The following FAM110B variants were observed in gnomAD, a reference collection of about 807,000 sequenced individuals.
FAM110B encodes protein FAM110B.
In FAM110B, 6 loss-of-function variants were observed where a neutral mutation model predicts 20.4. The observed-to-expected ratio is 0.29, with a 90% CI of 0.16 to 0.58. The LOEUF (loss-of-function observed/expected upper bound fraction) is 0.58, where lower values mean the gene tolerates loss of function less well. FAM110B is among the 20% of genes least tolerant of loss of function. The pLI is 0.90. For missense variants in FAM110B, 434 were observed against 498.2 expected, an observed-to-expected ratio of 0.87 and a Z score of 1.23; for synonymous variants, 226 against 214.1, an observed-to-expected ratio of 1.06 and a Z score of -0.49.
At chr8:58,063,957 A>G (rs1258377644) in intron 2 of FAM110B, among the ~76,000 whole-genome samples, 1 of 152,226 alleles carries the variant, frequency 6.6e-6, no homozygotes, top group Non-Finnish European at 1.5e-5. Context: ...CGGGCTGTAC[A>G]GGAAGGATGG....
intron 2 of FAM110B, among the ~76,000 whole-genome samples, chr8:58,037,665 G>A (rs1369205687): frequency 6.6e-6 from 1 of 151,976 alleles, no homozygotes; most frequent in Non-Finnish European, 1.5e-5. Flanking sequence ...TCCGATTTAG[G>A]TTGCATACAT....
intron 1 of FAM110B, among the ~76,000 whole-genome samples, chr8:58,020,813 T>C (rs1214972116): frequency 6.6e-6 from 1 of 152,208 alleles, no homozygotes; most frequent in Non-Finnish European, 1.5e-5. Context: ...ATCCAATCTG[T>C]CCCACCAGTG....
At chr8:58,059,455 G>A (rs1805614032) in intron 2 of FAM110B, among the ~76,000 whole-genome samples, 1 of 151,986 alleles carries the variant, frequency 6.6e-6, no homozygotes, top group African/African-American at 2.4e-5. Context: ...TATTTGGATG[G>A]CTATGGAATT....
chr8:58,013,650 C>A (rs1804583196), intron 1 of FAM110B, among the ~76,000 whole-genome samples: 1 of 152,178 alleles, frequency 6.6e-6, no homozygotes, highest in Non-Finnish European at 1.5e-5. Context: ...GCACAGTCAT[C>A]TTTTGGTCCT....
intron 2 of FAM110B, among the ~76,000 whole-genome samples, chr8:58,050,164 G>T (rs1805410929): frequency 6.6e-6 from 1 of 151,822 alleles, no homozygotes; most frequent in Non-Finnish European, 1.5e-5. Context: ...AGATGTCATG[G>T]TCTTGTGAGG....
intron 2 of FAM110B, among the ~76,000 whole-genome samples, chr8:58,047,167 AT>A (rs1215622130): frequency 6.6e-6 from 1 of 152,222 alleles, no homozygotes; most frequent in Non-Finnish European, 1.5e-5. Context: ...CTGCTTTCCT[AT>A]GAAAACAGTG....
chr8:58,143,174 C>G (rs1216458818), intron 3 of FAM110B, among the ~76,000 whole-genome samples: 1 of 152,254 alleles, frequency 6.6e-6, no homozygotes, highest in African/African-American at 2.4e-5. Flanking sequence ...ACCTAAGTCA[C>G]CTGCTTATTT....
chr8:58,015,900 GT>G (rs1474712144), intron 1 of FAM110B, among the ~76,000 whole-genome samples: 1 of 151,206 alleles, frequency 6.6e-6, no homozygotes, highest in Non-Finnish European at 1.5e-5. Context: ...GTGAAATCCA[GT>G]TAAATGAGTA....
At chr8:58,009,656 G>T (rs957155765) in intron 1 of FAM110B, among the ~76,000 whole-genome samples, 1 of 152,074 alleles carries the variant, frequency 6.6e-6, no homozygotes, top group Non-Finnish European at 1.5e-5. Flanking sequence ...TAACATATAT[G>T]GTTCACATTT....
chr8:58,111,190 C>T (rs549005360), intron 3 of FAM110B, among the ~76,000 whole-genome samples: 1 of 152,302 alleles, frequency 6.6e-6, no homozygotes, highest in East Asian at 1.9e-4. Flanking sequence ...CTTCCAAATA[C>T]ACACATTTAT....
At chr8:58,000,936 G>C (rs1266195984) in intron 1 of FAM110B, among the ~76,000 whole-genome samples, 1 of 152,106 alleles carries the variant, frequency 6.6e-6, no homozygotes, top group Non-Finnish European at 1.5e-5. Flanking sequence ...TTTTATTCTT[G>C]TTTAGTGACA....
intron 1 of FAM110B, among the ~76,000 whole-genome samples, chr8:58,002,785 G>A (rs1744319689): frequency 6.6e-6 from 1 of 152,220 alleles, no homozygotes; most frequent in African/African-American, 2.4e-5. Flanking sequence ...AAAAAATGCT[G>A]ATGATCATCT....
At chr8:58,079,704 C>G (rs1468173454) in intron 3 of FAM110B, among the ~76,000 whole-genome samples, 1 of 151,908 alleles carries the variant, frequency 6.6e-6, no homozygotes, top group Non-Finnish European at 1.5e-5. Context: ...TTGCTTCATC[C>G]CAGGAGTTTG....
In FAM110B at chr8:58,127,822, G is replaced by A. The variant is rs185266685; in HGVS notation, c.-324-18085G>A. Among the ~76,000 whole-genome samples, 7 of 152,292 alleles carry A rather than the reference G, an allele frequency of 4.6e-5. No homozygotes were observed. The East Asian group carries it at 9.6e-4, about 21-fold the overall frequency. ...AATCAAAAGTCTAAATAAATGGAGA[G>A]GAAGATCCCTATTTATGGACAGGAA... is the stretch of plus-strand genomic sequence containing the variant. On this transcript the variant is annotated intron_variant, in intron 3 of 3. Transcript: ENST00000519262.
At chr8:58,042,925 G>T (rs1048494470) in intron 2 of FAM110B, among the ~76,000 whole-genome samples, 1 of 152,322 alleles carries the variant, frequency 6.6e-6, no homozygotes, top group Non-Finnish European at 1.5e-5. Flanking sequence ...GAAACTTTGC[G>T]TGGTGCTTTC....
chr8:58,011,713 A>G (rs982509752), intron 1 of FAM110B, among the ~76,000 whole-genome samples: 1 of 152,160 alleles, frequency 6.6e-6, no homozygotes, highest in Non-Finnish European at 1.5e-5. Flanking sequence ...CAGCAAACCA[A>G]TATTGCCAGT....
At chr8:58,127,524 A>G (rs574275889) in intron 3 of FAM110B, among the ~76,000 whole-genome samples, 1 of 152,228 alleles carries the variant, frequency 6.6e-6, no homozygotes, top group African/African-American at 2.4e-5. Context: ...ATCTTGTCTT[A>G]TATGATTGTC....
chr8:58,141,276 G>T (rs1224664469), intron 3 of FAM110B, among the ~76,000 whole-genome samples: 1 of 152,182 alleles, frequency 6.6e-6, no homozygotes, highest in East Asian at 1.9e-4. Context: ...TTGTTATCTG[G>T]CATGTTAGGA....
intron 3 of FAM110B, among the ~76,000 whole-genome samples, chr8:58,126,429 G>T (rs1038598306): frequency 6.6e-6 from 1 of 152,120 alleles, no homozygotes; most frequent in Non-Finnish European, 1.5e-5. Context: ...GCACTTGCTG[G>T]GTTCTATGGT....
Sources: gnomAD v4.1 joint callset for allele counts (sites outside exome capture counted in the v4.1 genomes callset) on GRCh38, gnomAD v4.1.1 for gene constraint, MANE v1.5 for transcripts, NCBI Gene and HGNC (gene_info 2026-07-23, HGNC 2026-07-21) for gene names.